Variants in FNBP1L observed in about 807,000 individuals in gnomAD.
The protein encoded by FNBP1L is formin binding protein 1 like.
In FNBP1L, 36 loss-of-function variants were observed where a neutral mutation model predicts 91.2. The observed-to-expected ratio is 0.39, with a 90% CI of 0.30 to 0.52. The LOEUF is 0.52. FNBP1L is among the 20% of genes least tolerant of loss of function. The pLI is 0.66. For synonymous variants in FNBP1L, 242 were observed against 237.0 expected (o/e 1.02, Z -0.19); for missense variants, 571 against 732.1 (o/e 0.78, Z 2.54).
intron 1 of FNBP1L, among the ~76,000 whole-genome samples, chr1:93,489,397 G>C (rs1351239184): frequency 2.0e-5 from 3 of 152,134 alleles, no homozygotes; most frequent in Admixed American, 2.0e-4. Flanking sequence ...CAGGGTAGCT[G>C]TCTGAGAAAG....
intron 1 of FNBP1L, among the ~76,000 whole-genome samples, chr1:93,487,028 A>T (rs947525678): frequency 4.6e-5 from 7 of 151,978 alleles, no homozygotes; most frequent in African/African-American, 1.2e-4. Flanking sequence ...CTTCTATCTA[A>T]TCTTTTGGAA....
At chr1:93,540,915 G>T in intron 10 of FNBP1L, 127 bp from the exon 11 acceptor site, 17 of 594,120 alleles carry the variant, frequency 2.9e-5, no homozygotes, top group South Asian at 8.6e-5. Context: ...TGGCATAATT[G>T]TTTGGATTGT....
intron 1 of FNBP1L, among the ~76,000 whole-genome samples, chr1:93,470,129 C>G (rs1669236257): frequency 6.6e-6 from 1 of 152,056 alleles, no homozygotes; most frequent in Admixed American, 6.6e-5. Flanking sequence ...GCTATGCTCT[C>G]TTTTCTTTCT....
chr1:93,533,901 A>G (rs547608782), intron 8 of FNBP1L, among the ~76,000 whole-genome samples: 1 of 152,270 alleles, frequency 6.6e-6, no homozygotes, highest in Non-Finnish European at 1.5e-5. Context: ...GTAAGCTATG[A>G]CTTAAGGATG....
At chr1:93,498,108 G>T (rs964490822) in intron 1 of FNBP1L, among the ~76,000 whole-genome samples, 1 of 151,992 alleles carries the variant, frequency 6.6e-6, no homozygotes, top group Non-Finnish European at 1.5e-5. Context: ...TTTTGTTCAG[G>T]TTTTTTACTG....
chr1:93,515,417 A>G (rs1429852532), intron 2 of FNBP1L, among the ~76,000 whole-genome samples: 4 of 151,944 alleles, frequency 2.6e-5, no homozygotes, highest in Non-Finnish European at 5.9e-5. Context: ...ATTACTGGGT[A>G]TATACCCAAA....
intron 1 of FNBP1L, among the ~76,000 whole-genome samples, chr1:93,469,984 A>G (rs1168237129): frequency 1.3e-5 from 2 of 152,102 alleles, no homozygotes; most frequent in Non-Finnish European, 2.9e-5. Context: ...AAAGAAAAGG[A>G]AAAATGTAAT....
rs143643480 is a variant in FNBP1L at position 93,494,329 on chromosome 1, G to T, written c.25-5139G>T. 1.9e-3 allele frequency among the ~76,000 whole-genome samples: 291 copies of T among 152,320 alleles called. 7 individuals carry two copies. In the South Asian group the frequency reaches 0.033, roughly 17 times the overall value. ...TGTTCCTGTGGAGTTGAGATGCACT[G>T]CAAGTGGATGTGTTCACCTACCCAG... On this transcript the variant is annotated intron_variant, in intron 1 of 16. Coordinates refer to ENST00000271234, the MANE Select transcript of FNBP1L (RefSeq NM_001164473.3).
intron 2 of FNBP1L, among the ~76,000 whole-genome samples, chr1:93,508,306 G>A (rs1483760410): frequency 2.0e-5 from 3 of 152,120 alleles, no homozygotes; most frequent in Non-Finnish European, 4.4e-5. Flanking sequence ...CCAAGATTGT[G>A]CCACTGTACT....
At chr1:93,481,880 C>G (rs1458136968) in intron 1 of FNBP1L, among the ~76,000 whole-genome samples, 1 of 152,156 alleles carries the variant, frequency 6.6e-6, no homozygotes, top group East Asian at 1.9e-4. Context: ...CTGCCAAAGG[C>G]TGGGCACAGT....
chr1:93,523,524 G>A, intron 4 of FNBP1L, 33 bp downstream of exon 4: 2 of 1,567,552 alleles, frequency 1.3e-6, no homozygotes, highest in Non-Finnish European at 8.7e-7. Flanking sequence ...AATTGCAATA[G>A]TATATGAAAT....
intron 1 of FNBP1L, among the ~76,000 whole-genome samples, chr1:93,479,117 G>C (rs527668275): frequency 6.6e-6 from 1 of 152,310 alleles, no homozygotes; most frequent in South Asian, 2.1e-4. Context: ...ACAAAGAGAG[G>C]AATTTTACAG....
chr1:93,472,452 T>C (rs1232273759), intron 1 of FNBP1L, among the ~76,000 whole-genome samples: 1 of 152,058 alleles, frequency 6.6e-6, no homozygotes, highest in African/African-American at 2.4e-5. Context: ...CCATGAATAT[T>C]ATACTACCTT....
intron 2 of FNBP1L, among the ~76,000 whole-genome samples, chr1:93,518,846 G>C (rs1369942629): frequency 6.6e-6 from 1 of 152,134 alleles, no homozygotes; most frequent in Non-Finnish European, 1.5e-5. Context: ...AGAAAACCCT[G>C]TACCCATTAG....
intron 1 of FNBP1L, among the ~76,000 whole-genome samples, chr1:93,469,365 T>G (rs1669204841): frequency 6.6e-6 from 1 of 152,120 alleles, no homozygotes; most frequent in South Asian, 2.1e-4. Context: ...GATAGTTTGC[T>G]GAGAATGATG....
At chr1:93,491,372 A>G (rs1301564800) in intron 1 of FNBP1L, among the ~76,000 whole-genome samples, 1 of 151,864 alleles carries the variant, frequency 6.6e-6, no homozygotes, top group Non-Finnish European at 1.5e-5. Flanking sequence ...ACCACTAAAG[A>G]AAGGCTGAAT....
intron 16 of FNBP1L, chr1:93,552,200 C>G (rs185879842): frequency 1.0e-5 from 14 of 1,350,966 alleles, no homozygotes; most frequent in South Asian, 2.1e-5. Flanking sequence ...GTGACCACAC[C>G]CTGAGTCAGT....
chr1:93,498,992 A>G lies in FNBP1L; in HGVS notation c.25-476A>G, dbSNP rs970517943. Among the ~76,000 whole-genome samples the G allele has an allele frequency of 8.5e-5, 13 of 152,172 alleles. No homozygotes were observed. The East Asian group carries it at 1.9e-3, about 23-fold the overall frequency. On this transcript the variant is annotated intron_variant, in intron 1 of 16. Coordinates refer to ENST00000271234, the MANE Select transcript of FNBP1L (RefSeq NM_001164473.3). Reference sequence around the variant, plus strand: ...AATAATTCTTCACTGAGTACCTGCTATGGTGCCAAGCATGGTGCTTAGGCT... The same window carrying G: ...AATAATTCTTCACTGAGTACCTGCTGTGGTGCCAAGCATGGTGCTTAGGCT...
chr1:93,531,461 C>G (rs145000379), intron 7 of FNBP1L, among the ~76,000 whole-genome samples: 42 of 152,232 alleles, frequency 2.8e-4, no homozygotes, highest in African/African-American at 1.0e-3. Flanking sequence ...ATTGCCTGTT[C>G]TAGAAAGAAG....
Sources: allele counts gnomAD v4.1 joint callset (sites outside exome capture counted in the v4.1 genomes callset), GRCh38; gene constraint gnomAD v4.1.1; transcripts MANE v1.5; gene names NCBI Gene and HGNC (gene_info 2026-07-23, HGNC 2026-07-21).